CACNA1E: variants seen among roughly 807,000 people sequenced by gnomAD.
The protein encoded by CACNA1E is calcium voltage-gated channel subunit alpha1 E.
Under a neutral mutation model 259.2 loss-of-function variants are expected in CACNA1E, and 40 were observed. The observed-to-expected ratio is 0.15, with a 90% CI of 0.12 to 0.20. CACNA1E has a LOEUF of 0.20. Among genes scored for constraint, CACNA1E ranks in the 10% least tolerant of loss-of-function variants. The pLI is 1.00. For synonymous variants in CACNA1E, 1,104 were observed against 1,138.5 expected, an observed-to-expected ratio of 0.97 and a Z score of 0.61; for missense variants, 1,874 against 3,040.1, an observed-to-expected ratio of 0.62 and a Z score of 9.02.
intron 2 of CACNA1E, among the ~76,000 whole-genome samples, chr1:181,433,940 C>T (rs1266309101): frequency 1.3e-5 from 2 of 152,180 alleles, no homozygotes; most frequent in Admixed American, 6.5e-5. Context: ...ATGTAAAAAG[C>T]AATAGCCAAA....
intron 7 of CACNA1E, among the ~76,000 whole-genome samples, chr1:181,656,477 C>A (rs1313889270): frequency 1.3e-5 from 2 of 152,204 alleles, no homozygotes; most frequent in Non-Finnish European, 2.9e-5. Flanking sequence ...TATATTTGTA[C>A]AGCTGTACAA....
intron 44 of CACNA1E, among the ~76,000 whole-genome samples, chr1:181,793,426 A>G (rs1661501024): frequency 1.3e-5 from 2 of 151,744 alleles, no homozygotes; most frequent in South Asian, 4.2e-4. Context: ...GAAAAAGAGG[A>G]ATCTACACCA....
chr1:181,546,613 A>G (rs571731152), intron 3 of CACNA1E, among the ~76,000 whole-genome samples: 4 of 152,298 alleles, frequency 2.6e-5, no homozygotes, highest in Admixed American at 1.3e-4. Context: ...GGGGGCTCTT[A>G]GTAGACACCA....
chr1:181,790,407 T>G (rs1036674742), intron 43 of CACNA1E, 38 bp from the exon 44 acceptor site: 1 of 1,339,978 alleles, frequency 7.5e-7, no homozygotes, highest in Non-Finnish European at 1.1e-6. Flanking sequence ...GTGGCATGAC[T>G]GTCCCTCATT....
chr1:181,737,653 A>G lies in CACNA1E; in HGVS notation c.3551A>G (p.Lys1184Arg), dbSNP rs1170695482. 6.2e-7 allele frequency: 1 copy of G among 1,613,436 alleles called. No homozygotes were observed. Among genetic ancestry groups the G allele is most frequent in the African/African-American group, 1.3e-5 (1 of 74,930 alleles). ...GTCCTGACCAACTCGGAGCGCAACA[A>G]AGTGGGTACACAGGGGCCATGTGCC... ...DPVLTNSERN[K>R]VLRYFDYVFT... Residue 1184 changes from lysine (K) to arginine (R), a missense_variant and splice_region_variant, in exon 23 of 48, where the codon AAA becomes AGA. Coordinates refer to ENST00000367573, the MANE Select transcript of CACNA1E (RefSeq NM_001205293.3).
At chr1:181,544,076 G>A (rs1330122752) in intron 3 of CACNA1E, among the ~76,000 whole-genome samples, 3 of 152,166 alleles carry the variant, frequency 2.0e-5, no homozygotes, top group African/African-American at 7.2e-5. Flanking sequence ...TACATCAGCT[G>A]ATGAATGGGT....
intron 37 of CACNA1E, among the ~76,000 whole-genome samples, chr1:181,774,806 G>A (rs1044437297): frequency 2.0e-5 from 3 of 152,206 alleles, no homozygotes; most frequent in African/African-American, 4.8e-5. Context: ...CACTTGGCCT[G>A]GGGGTCCACA....
intron 1 of CACNA1E, among the ~76,000 whole-genome samples, chr1:181,324,931 C>A (rs1650650693): frequency 6.6e-6 from 1 of 152,208 alleles, no homozygotes; most frequent in South Asian, 2.1e-4. Context: ...CTCCTTCCAT[C>A]TCCTGCATCT....
chr1:181,330,977 G>T (rs571533480), intron 1 of CACNA1E, among the ~76,000 whole-genome samples: 1 of 152,314 alleles, frequency 6.6e-6, no homozygotes, highest in Non-Finnish European at 1.5e-5. Flanking sequence ...AGGGAGGAGG[G>T]CAGGGTGGCA....
chr1:181,551,259 C>G (rs1648115590), intron 3 of CACNA1E, among the ~76,000 whole-genome samples: 1 of 152,178 alleles, frequency 6.6e-6, no homozygotes, highest in Non-Finnish European at 1.5e-5. Flanking sequence ...TTAGGGCCCA[C>G]TACTTTGGGA....
In CACNA1E at chr1:181,724,553, T is replaced by G; in HGVS notation, c.2142+16T>G. The G allele has an allele frequency of 2.5e-6, 4 of 1,603,932 alleles. No individual in the cohort carries two copies. Among genetic ancestry groups the G allele is most frequent in the Non-Finnish European group, 3.4e-6 (4 of 1,173,392 alleles). On this transcript the variant is annotated intron_variant, in intron 17 of 47. Transcript: ENST00000367573. ...ACTGACCAAGGTAAGCATTGTTTTC[T>G]GGGGATCTGATGTTTCTCTAGTGCC...
intron 3 of CACNA1E, among the ~76,000 whole-genome samples, chr1:181,550,212 A>G (rs1306956917): frequency 6.6e-6 from 1 of 152,168 alleles, no homozygotes. Context: ...ATGAGAGGGA[A>G]GAATCCAAGA....
intron 1 of CACNA1E, among the ~76,000 whole-genome samples, chr1:181,509,260 G>C (rs765719039): frequency 6.6e-6 from 1 of 152,144 alleles, no homozygotes; most frequent in South Asian, 2.1e-4. Flanking sequence ...GATGCCCTGG[G>C]TGCTAACTTA....
chr1:181,446,171 A>G (rs1660777536), intron 2 of CACNA1E, among the ~76,000 whole-genome samples: 1 of 151,862 alleles, frequency 6.6e-6, no homozygotes, highest in Non-Finnish European at 1.5e-5. Flanking sequence ...CTTTGGGGGG[A>G]CTTCCAGGAC....
chr1:181,494,341 G>A (rs1664565419), intron 1 of CACNA1E, among the ~76,000 whole-genome samples: 1 of 150,170 alleles, frequency 6.7e-6, no homozygotes, highest in Admixed American at 6.6e-5. Context: ...TAAAGAAGTG[G>A]CATTCCGTTT....
At chr1:181,565,167 TG>T (rs1649694653) in intron 3 of CACNA1E, among the ~76,000 whole-genome samples, 1 of 152,204 alleles carries the variant, frequency 6.6e-6, no homozygotes, top group South Asian at 2.1e-4. Context: ...TCTTTCACTT[TG>T]GTTTCTTATC....
At chr1:181,729,512 T>G (rs916103951) in intron 18 of CACNA1E, among the ~76,000 whole-genome samples, 9 of 152,314 alleles carry the variant, frequency 5.9e-5, no homozygotes, top group Middle Eastern at 3.4e-3. Context: ...CTAGTTATAT[T>G]TGTCTCACTA....
chr1:181,552,188 A>G (rs1018949974), intron 3 of CACNA1E, among the ~76,000 whole-genome samples: 8 of 152,198 alleles, frequency 5.3e-5, no homozygotes, highest in Admixed American at 6.5e-5. Flanking sequence ...GGTGACACCC[A>G]TGTTTGTGAA....
Position 181,483,723 on chromosome 1 carries a change from T to A in CACNA1E, c.-22T>A. On this transcript the variant is annotated 5_prime_UTR_variant, in exon 1 of 48. Coordinates refer to ENST00000367573, the MANE Select transcript of CACNA1E (RefSeq NM_001205293.3). ...TCGGCCGCGATCACCTTTGTGTGTC[T>A]TCTGTCTGTTTAAACCTCAGGATGG... The A allele has an allele frequency of 6.3e-7, 1 of 1,579,554 alleles. No individual in the cohort carries two copies. Among genetic ancestry groups the A allele is most frequent in the Non-Finnish European group, 8.6e-7 (1 of 1,159,732 alleles).
Sources: gnomAD v4.1 joint callset for allele counts (sites outside exome capture counted in the v4.1 genomes callset) on GRCh38, gnomAD v4.1.1 for gene constraint, MANE v1.5 for transcripts, NCBI Gene and HGNC (gene_info 2026-07-23, HGNC 2026-07-21) for gene names.